The following NEXMIF variants were observed in gnomAD, a reference collection of about 807,000 sequenced individuals.
The protein encoded by NEXMIF is neurite extension and migration factor.
Under a neutral mutation model 62.1 loss-of-function variants are expected in NEXMIF, and 8 were observed. The ratio of observed to expected loss-of-function variants is 0.13; its 90% CI spans 0.08 to 0.23. The LOEUF is 0.23. Ranked by LOEUF, NEXMIF falls within the 10% of genes least tolerant of loss-of-function variation. The probability of loss-of-function intolerance (pLI) is 1.00; values close to 1 mark genes in which losing one functional copy is unlikely to be tolerated. For synonymous variants in NEXMIF, 404 were observed against 416.6 expected (o/e 0.97, Z 0.37); for missense variants, 976 against 1,113.3 (o/e 0.88, Z 1.75).
At chrX:74,853,006 A>T (rs1193417846) in intron 1 of NEXMIF, among the ~76,000 whole-genome samples, 1 of 110,828 alleles carries the variant, frequency 9.0e-6, no homozygotes, top group African/African-American at 3.3e-5. Context: ...ACAAAATGAA[A>T]AGTTTTTTTT....
chrX:74,807,276 C>A (rs1171677035), intron 1 of NEXMIF, among the ~76,000 whole-genome samples: 8 of 110,880 alleles, frequency 7.2e-5, no homozygotes, highest in African/African-American at 2.3e-4. Flanking sequence ...AGATTTATAC[C>A]TAAGTATTTC....
At chrX:74,913,301 G>C (rs1256433615) in intron 1 of NEXMIF, among the ~76,000 whole-genome samples, 1 of 111,912 alleles carries the variant, frequency 8.9e-6, no homozygotes, top group Admixed American at 9.5e-5. Context: ...GAATGAAGAA[G>C]ATGGAGAAAA....
chrX:74,854,592 G>A (rs1350988660), intron 1 of NEXMIF, among the ~76,000 whole-genome samples: 1 of 111,653 alleles, frequency 9.0e-6, no homozygotes, highest in Non-Finnish European at 1.9e-5. Flanking sequence ...TCAGGCAAGA[G>A]AAAGAAATAA....
chrX:74,803,374 C>A (rs965812259), intron 1 of NEXMIF, among the ~76,000 whole-genome samples: 25 of 110,727 alleles, frequency 2.3e-4, no homozygotes, highest in African/African-American at 7.9e-4. Flanking sequence ...CACGGTGAAA[C>A]CCTGTCTGTT....
chrX:74,733,693 A>C lies in NEXMIF; in HGVS notation c.*5712T>G, dbSNP rs935890298. 2.7e-5 allele frequency: 3 copies of C among 112,773 alleles called. No homozygotes were observed. The highest frequency in any genetic ancestry group is 3.8e-5 in the Non-Finnish European group (2 of 53,295). The allele number at this position is 112,773 out of a possible 1,213,427, so 9.3% of individuals were successfully genotyped here. On this transcript the variant is annotated 3_prime_UTR_variant, in exon 4 of 4. Coordinates refer to ENST00000055682, the MANE Select transcript of NEXMIF (RefSeq NM_001008537.3). ...TGAAACCTTCGCAACAAGAACAACA[A>C]AACCAGAAGTGTTACAAGAATAATT... is the stretch of plus-strand genomic sequence containing the variant.
At chrX:74,767,007 T>G (rs1262375168) in intron 1 of NEXMIF, among the ~76,000 whole-genome samples, 2 of 112,223 alleles carry the variant, frequency 1.8e-5, no homozygotes, top group Non-Finnish European at 3.8e-5. Flanking sequence ...AGGTGGGTTC[T>G]CTGTGCTAGG....
chrX:74,800,606 C>T (rs766387519), intron 1 of NEXMIF, among the ~76,000 whole-genome samples: 1 of 110,561 alleles, frequency 9.0e-6, no homozygotes, highest in Non-Finnish European at 1.9e-5. Flanking sequence ...TAACAACTAA[C>T]CTGTTTTCTG....
At chrX:74,800,534 C>T (rs919459325) in intron 1 of NEXMIF, among the ~76,000 whole-genome samples, 2 of 110,711 alleles carry the variant, frequency 1.8e-5, no homozygotes, top group African/African-American at 3.3e-5. Flanking sequence ...AGAACAGTTC[C>T]GTGATCCCAA....
chrX:74,889,806 A>G (rs1433604428), intron 1 of NEXMIF, among the ~76,000 whole-genome samples: 1 of 111,482 alleles, frequency 9.0e-6, no homozygotes, highest in African/African-American at 3.3e-5. Flanking sequence ...TACATCTCAG[A>G]GATAGCTTAA....
intron 1 of NEXMIF, among the ~76,000 whole-genome samples, chrX:74,895,560 C>T (rs2080730332): frequency 8.9e-6 from 1 of 111,786 alleles, no homozygotes; most frequent in South Asian, 3.7e-4. Context: ...TTAAATTATA[C>T]TACAGAGGTA....
intron 1 of NEXMIF, among the ~76,000 whole-genome samples, chrX:74,889,184 T>G (rs1214302133): frequency 8.9e-6 from 1 of 111,893 alleles, no homozygotes; most frequent in African/African-American, 3.2e-5. Context: ...ATGCAATATT[T>G]AATTTCCAAG....
intron 1 of NEXMIF, among the ~76,000 whole-genome samples, chrX:74,868,018 G>GA (rs767886644): frequency 1.4e-4 from 16 of 111,889 alleles, no homozygotes; most frequent in Non-Finnish European, 2.6e-4. Context: ...CAAGAGACAT[G>GA]AAAAAAAGCT....
intron 1 of NEXMIF, among the ~76,000 whole-genome samples, chrX:74,891,722 T>G (rs1007608032): frequency 8.9e-6 from 1 of 112,213 alleles, no homozygotes; most frequent in African/African-American, 3.2e-5. Flanking sequence ...GGAAAGAGTA[T>G]GAGATTTGGA....
chrX:74,859,991 A>G (rs1366518754), intron 1 of NEXMIF, among the ~76,000 whole-genome samples: 1 of 111,553 alleles, frequency 9.0e-6, no homozygotes, highest in Admixed American at 9.6e-5. Context: ...GAAGGCCACA[A>G]AACAACCAGC....
intron 1 of NEXMIF, among the ~76,000 whole-genome samples, chrX:74,858,606 T>C (rs1428365022): frequency 1.8e-5 from 2 of 111,009 alleles, no homozygotes; most frequent in African/African-American, 6.6e-5. Flanking sequence ...ATTCTTCAAT[T>C]AGTAGACACG....
rs778917289 is a variant in NEXMIF, at chrX:74,740,926, GTTT to G, written c.3628_3630del (p.Lys1210del). On this transcript the variant is annotated inframe_deletion, in exon 3 of 4. Coordinates refer to ENST00000055682, the MANE Select transcript of NEXMIF (RefSeq NM_001008537.3). Reference sequence around the variant, plus strand: ...ACCTGGCGGGAGTTTTTGCCAGGTGGTTTTTCAATCCCCTTGTTGTTACCTTTG... The same window carrying G: ...ACCTGGCGGGAGTTTTTGCCAGGTGGTTCAATCCCCTTGTTGTTACCTTTG... The G allele has an allele frequency of 8.3e-7, 1 of 1,211,760 alleles. No individual in the cohort carries two copies. The highest frequency in any genetic ancestry group is 1.1e-6 in the Non-Finnish European group (1 of 895,384).
Position 74,735,798 on chromosome X carries a change from T to C in NEXMIF, c.*3607A>G, listed in dbSNP as rs764316997. On this transcript the variant is annotated 3_prime_UTR_variant, in exon 4 of 4. Transcript: ENST00000055682. ...AAGGGAAAGCTGGGAGGAAGCAGCA[T>C]ATGTGAAGAAGCTGGTATAAGAGAC... 1.8e-5 allele frequency: 2 copies of C among 111,915 alleles called. No homozygotes were observed. Among genetic ancestry groups the C allele is most frequent in the South Asian group, 7.5e-4 (2 of 2,650 alleles). 9.2% of individuals were successfully genotyped at this position (111,915 alleles called of 1,213,427 possible). A position where few individuals can be genotyped will look rare whatever the true frequency, so the allele number is the denominator to read the frequency against.
chrX:74,877,809 A>T (rs1400244862), intron 1 of NEXMIF, among the ~76,000 whole-genome samples: 1 of 111,220 alleles, frequency 9.0e-6, no homozygotes, highest in Non-Finnish European at 1.9e-5. Context: ...TGCATTCTTC[A>T]CGTAGTTCTC....
At chrX:74,887,454 AAAAC>A (rs1175003154) in intron 1 of NEXMIF, among the ~76,000 whole-genome samples, 2 of 112,103 alleles carry the variant, frequency 1.8e-5, no homozygotes, top group Non-Finnish European at 3.8e-5. Context: ...TTACAAGAAA[AAAAC>A]AAACAACCCC....
Sources: gnomAD v4.1 joint callset for allele counts (sites outside exome capture counted in the v4.1 genomes callset) on GRCh38, gnomAD v4.1.1 for gene constraint, MANE v1.5 for transcripts, NCBI Gene and HGNC (gene_info 2026-07-23, HGNC 2026-07-21) for gene names.